EPB41L1: variants seen among roughly 807,000 people sequenced by gnomAD.
The protein encoded by EPB41L1 is band 4.1-like protein 1.
In EPB41L1, 29 loss-of-function variants were observed where a neutral mutation model predicts 97.8. The ratio of observed to expected loss-of-function variants is 0.30; its 90% CI spans 0.22 to 0.40. EPB41L1 has a LOEUF of 0.40. Among genes scored for constraint, EPB41L1 ranks in the 10% least tolerant of loss-of-function variants. EPB41L1 has a pLI of 1.00. For synonymous variants in EPB41L1, 383 were observed against 459.2 expected (o/e 0.83, Z 2.12); for missense variants, 812 against 1,162.3 (o/e 0.70, Z 4.38).
At chr20:36,096,344 T>A (rs908524149) in intron 1 of EPB41L1, among the ~76,000 whole-genome samples, 2 of 152,190 alleles carry the variant, frequency 1.3e-5, no homozygotes, top group African/African-American at 4.8e-5. Context: ...GCAATGACTC[T>A]TTGACAGTGT....
chr20:36,141,013 G>T (rs969333203), intron 2 of EPB41L1, among the ~76,000 whole-genome samples: 1 of 152,236 alleles, frequency 6.6e-6, no homozygotes, highest in Non-Finnish European at 1.5e-5. Context: ...CCCAGATGGG[G>T]TTTTGTGGGA....
In EPB41L1 at chr20:36,216,819, G is replaced by A. The variant is rs140965152; in HGVS notation, c.2269-2057G>A. Among the ~76,000 whole-genome samples the A allele has an allele frequency of 5.1e-4, 78 of 152,302 alleles. No homozygotes were observed. In the Middle Eastern group the frequency reaches 0.01, roughly 20 times the overall value. On this transcript the variant is annotated intron_variant, in intron 17 of 21. Transcript: ENST00000338074. ...GGTGGGGCTGGAGTGCAAGGAGGTG[G>A]ATGCAGAGAAGGGGTCAGGGTTAAG...
upstream of EPB41L1, chr20:36,153,068 A>C (rs769660261): frequency 2.2e-6 from 1 of 456,564 alleles, no homozygotes; most frequent in Non-Finnish European, 4.4e-6. Context: ...AAGGCACCGG[A>C]AGCTTTGTCT....
chr20:36,129,479 T>C (rs1242114490), intron 2 of EPB41L1, among the ~76,000 whole-genome samples: 2 of 152,148 alleles, frequency 1.3e-5, no homozygotes, highest in Non-Finnish European at 2.9e-5. Context: ...TCTTGGCACC[T>C]GGTTTGCATT....
chr20:36,099,887 A>G (rs761312), intron 1 of EPB41L1, among the ~76,000 whole-genome samples: 60,811 of 152,058 alleles, frequency 0.4, 15,794 homozygotes, highest in African/African-American at 0.75. Context: ...CATATGTTCC[A>G]GAGGTGAGGA....
chr20:36,217,179 C>T (rs992349494), intron 17 of EPB41L1, among the ~76,000 whole-genome samples: 2 of 152,126 alleles, frequency 1.3e-5, no homozygotes, highest in South Asian at 2.1e-4. Flanking sequence ...CTTTCGAGAT[C>T]GGATGAGTCT....
Position 36,201,736 on chromosome 20 carries a change from A to G in EPB41L1, c.1668+3695A>G, listed in dbSNP as rs1051638997. ...CTCTTTGAACTTCCTGTGGCCCTTC[A>G]TGGATGCTGGGCATAGAATCCAGGC... On this transcript the variant is annotated intron_variant, in intron 14 of 21. Transcript: ENST00000338074. Among the ~76,000 whole-genome samples the G allele has an allele frequency of 2.6e-5, 4 of 152,276 alleles. No homozygotes were observed. In the South Asian group the frequency reaches 8.3e-4, roughly 32 times the overall value.
At chr20:36,129,984 C>T (rs1474277475) in intron 2 of EPB41L1, among the ~76,000 whole-genome samples, 2 of 147,498 alleles carry the variant, frequency 1.4e-5, no homozygotes, top group African/African-American at 5.0e-5. Flanking sequence ...CTCTGTCACT[C>T]AGCCTGGAGT....
At chr20:36,183,043 TGG>T (rs1447106281) in intron 6 of EPB41L1, among the ~76,000 whole-genome samples, 2 of 152,196 alleles carry the variant, frequency 1.3e-5, no homozygotes, top group Non-Finnish European at 1.5e-5. Context: ...GCCTGAAGAT[TGG>T]AAATGAGTGC....
In EPB41L1 at chr20:36,185,168, A is replaced by G. The variant is rs767155612; in HGVS notation, c.618A>G (p.Pro206=). 1.7e-5 allele frequency: 27 copies of G among 1,613,016 alleles called. 1 individual carries two copies. In the South Asian group the frequency reaches 1.8e-4, roughly 10 times the overall value. Residue 206 remains proline (P), a synonymous_variant, in exon 7 of 22, where the codon CCA becomes CCG. Transcript: ENST00000338074. ...CAGACATCATCACGGGCCGGCTGCCATGCTCCTTTGTCACGCATGCCCTAC... is the reference window on the plus strand; with the variant it reads ...CAGACATCATCACGGGCCGGCTGCCGTGCTCCTTTGTCACGCATGCCCTAC... ...LRADIITGRL[P]CSFVTHALLG...
At chr20:36,178,194 A>C in intron 4 of EPB41L1, 138 bp downstream of exon 4, 1 of 729,952 alleles carries the variant, frequency 1.4e-6, no homozygotes, top group Non-Finnish European at 2.4e-6. Context: ...AACCAGCCCT[A>C]TCCACCTGCG....
intron 14 of EPB41L1, among the ~76,000 whole-genome samples, chr20:36,208,793 C>T (rs958225848): frequency 8.5e-5 from 13 of 152,170 alleles, no homozygotes; most frequent in African/African-American, 2.7e-4. Context: ...TGCCTTGGCC[C>T]GCTGTTGTCA....
intron 14 of EPB41L1, among the ~76,000 whole-genome samples, chr20:36,203,568 C>T (rs1364375434): frequency 6.6e-6 from 1 of 152,220 alleles, no homozygotes; most frequent in Admixed American, 6.5e-5. Flanking sequence ...CTTTGGCCAT[C>T]ATTGCCAGGC....
intron 15 of EPB41L1, among the ~76,000 whole-genome samples, chr20:36,210,726 C>G (rs116797255): frequency 1.3e-5 from 2 of 152,126 alleles, no homozygotes; most frequent in Non-Finnish European, 2.9e-5. Context: ...GCAGAAATAT[C>G]GCCCCCCTAC....
Position 36,218,871 on chromosome 20 carries a change from C to T in EPB41L1, c.2269-5C>T, listed in dbSNP as rs1394215937. Reference sequence around the variant, plus strand: ...CTGGCCATCTGAGCACTATTGTTTCCCCAGGAGAACAGTCTCAAGTCCGGG... The same window carrying T: ...CTGGCCATCTGAGCACTATTGTTTCTCCAGGAGAACAGTCTCAAGTCCGGG... On this transcript the variant is annotated splice_region_variant and splice_polypyrimidine_tract_variant and intron_variant, in intron 17 of 21. Coordinates refer to ENST00000338074, the MANE Select transcript of EPB41L1 (RefSeq NM_012156.2). 6.2e-7 allele frequency: 1 copy of T among 1,614,024 alleles called. No individual in the cohort carries two copies. Among genetic ancestry groups the T allele is most frequent in the South Asian group, 1.1e-5 (1 of 91,074 alleles).
intron 21 of EPB41L1, among the ~76,000 whole-genome samples, chr20:36,223,826 A>G (rs761431103): frequency 2.0e-4 from 31 of 152,338 alleles, no homozygotes; most frequent in Non-Finnish European, 3.8e-4. Flanking sequence ...ACATATAAAC[A>G]CATTTATAAA....
At chr20:36,161,282 C>A (rs2060513373) in intron 1 of EPB41L1, among the ~76,000 whole-genome samples, 1 of 152,160 alleles carries the variant, frequency 6.6e-6, no homozygotes, top group Non-Finnish European at 1.5e-5. Context: ...CCCAGACTGT[C>A]CTTGGACAAG....
intron 5 of EPB41L1, among the ~76,000 whole-genome samples, chr20:36,179,643 A>T (rs534035815): frequency 6.6e-6 from 1 of 152,368 alleles, no homozygotes; most frequent in South Asian, 2.1e-4. Flanking sequence ...GCCTCGAGGC[A>T]GAGATGCCTC....
chr20:36,137,636 T>G (rs1600516704), intron 2 of EPB41L1, among the ~76,000 whole-genome samples: 5 of 152,272 alleles, frequency 3.3e-5, no homozygotes, highest in Admixed American at 3.3e-4. Flanking sequence ...GCGATTCTTC[T>G]GCCTCAGCCT....
Sources: gnomAD v4.1 joint callset for allele counts (sites outside exome capture counted in the v4.1 genomes callset) on GRCh38, gnomAD v4.1.1 for gene constraint, MANE v1.5 for transcripts, NCBI Gene and HGNC (gene_info 2026-07-23, HGNC 2026-07-21) for gene names.